LYN: variants seen among roughly 807,000 people sequenced by gnomAD.
LYN encodes LYN proto-oncogene, Src family tyrosine kinase, also known as tyrosine-protein kinase Lyn.
In LYN, 12 loss-of-function variants were observed where a neutral mutation model predicts 65.0. The observed-to-expected ratio is 0.18, with a 90% CI of 0.12 to 0.30. The LOEUF is 0.30. Ranked by LOEUF, LYN falls within the 10% of genes least tolerant of loss-of-function variation. LYN has a pLI of 1.00. For synonymous variants in LYN, 222 were observed against 221.2 expected (o/e 1.00, Z -0.03); for missense variants, 380 against 623.2 (o/e 0.61, Z 4.16).
At chr8:56,000,727 CAAAAAAAAAAA>C (rs1043054300) in intron 12 of LYN, among the ~76,000 whole-genome samples, 14 of 46,856 alleles carry the variant, frequency 3.0e-4, no homozygotes, top group East Asian at 1.9e-3. Context: ...GACTCTGTCT[CAAAAAAAAAAA>C]AAAAAAAAAA....
chr8:55,928,983 T>G (rs894371666), intron 1 of LYN, among the ~76,000 whole-genome samples: 6 of 152,226 alleles, frequency 3.9e-5, no homozygotes, highest in Admixed American at 3.9e-4. Context: ...GATTATTTAT[T>G]TACATACTTA....
chr8:55,911,287 T>TA (rs1563506834), intron 1 of LYN, among the ~76,000 whole-genome samples: 359 of 25,606 alleles, frequency 0.014, 33 homozygotes, highest in Non-Finnish European at 0.028. Flanking sequence ...ATATATATAT[T>TA]TTTTTTTTTT....
chr8:55,989,563 C>G (rs1416925308), intron 10 of LYN, among the ~76,000 whole-genome samples: 2 of 152,118 alleles, frequency 1.3e-5, no homozygotes, highest in Admixed American at 1.3e-4. Flanking sequence ...TGGACACTCC[C>G]CATTCAGGAA....
intron 10 of LYN, among the ~76,000 whole-genome samples, chr8:55,970,979 GCC>G (rs1313448858): frequency 6.6e-6 from 1 of 152,204 alleles, no homozygotes; most frequent in African/African-American, 2.4e-5. Flanking sequence ...GCACCTCAGA[GCC>G]TGCTGGTGGA....
intron 1 of LYN, among the ~76,000 whole-genome samples, chr8:55,919,974 C>A (rs1805900110): frequency 6.6e-6 from 1 of 152,216 alleles, no homozygotes; most frequent in East Asian, 1.9e-4. Context: ...TGTCCTCCAA[C>A]TTAACATGGC....
chr8:55,967,357 C>T (rs377104656), intron 9 of LYN, among the ~76,000 whole-genome samples: 5 of 139,626 alleles, frequency 3.6e-5, no homozygotes, highest in Non-Finnish European at 6.1e-5. Context: ...CACTGTTGCC[C>T]GGGCTGGAGT....
intron 1 of LYN, among the ~76,000 whole-genome samples, chr8:55,888,139 A>T (rs1372764846): frequency 1.3e-5 from 2 of 152,206 alleles, no homozygotes; most frequent in East Asian, 3.9e-4. Flanking sequence ...TATTCAGTTT[A>T]GCAAACTTTT....
At chr8:55,985,470 T>C (rs1002112713) in intron 10 of LYN, among the ~76,000 whole-genome samples, 1 of 152,252 alleles carries the variant, frequency 6.6e-6, no homozygotes, top group Non-Finnish European at 1.5e-5. Context: ...TCAGGTATAT[T>C]TGGAATTTGT....
chr8:56,008,637 T>C (rs1808737394), intron 12 of LYN, among the ~76,000 whole-genome samples: 1 of 152,230 alleles, frequency 6.6e-6, no homozygotes, highest in Non-Finnish European at 1.5e-5. Context: ...GGATCAAAGA[T>C]TGACAGTTCA....
chr8:55,885,097 C>G (rs1001414661), intron 1 of LYN, among the ~76,000 whole-genome samples: 2 of 152,164 alleles, frequency 1.3e-5, no homozygotes, highest in Admixed American at 6.6e-5. Flanking sequence ...GCTTCTTCAA[C>G]CAGGAATTGG....
At chr8:55,887,774 T>C (rs1304631845) in intron 1 of LYN, among the ~76,000 whole-genome samples, 2 of 151,856 alleles carry the variant, frequency 1.3e-5, no homozygotes, top group African/African-American at 4.8e-5. Context: ...CATGCCCAGC[T>C]ACTTTTTGTA....
chr8:55,950,613 GTTAATA>G (rs1806913889), intron 5 of LYN, 56 bp downstream of exon 5: 7 of 1,570,010 alleles, frequency 4.5e-6, no homozygotes, highest in Non-Finnish European at 6.1e-6. Flanking sequence ...TGGATTTCTT[GTTAATA>G]TTCTTCACCT....
intron 1 of LYN, among the ~76,000 whole-genome samples, chr8:55,905,539 T>A (rs1427952674): frequency 5.3e-5 from 8 of 152,164 alleles, no homozygotes. Context: ...TGCTGAGATG[T>A]GTCCAGAATT....
intron 8 of LYN, among the ~76,000 whole-genome samples, chr8:55,963,358 TCCTGACTAGCAGAGC>T (rs1807342937): frequency 6.6e-6 from 1 of 152,222 alleles, no homozygotes; most frequent in South Asian, 2.1e-4. Flanking sequence ...ACGTCCCCTT[TCCTGACTAGCAGAGC>T]TGTACTTAGA....
chr8:55,955,500 TTC>T (rs1563527855), intron 8 of LYN, among the ~76,000 whole-genome samples: 1 of 152,174 alleles, frequency 6.6e-6, no homozygotes, highest in Non-Finnish European at 1.5e-5. Context: ...TCCTCCTCAT[TTC>T]TCTGTGTGCT....
chr8:55,940,523 G>GCC (rs1806580049), intron 1 of LYN, among the ~76,000 whole-genome samples: 1 of 152,120 alleles, frequency 6.6e-6, no homozygotes, highest in Non-Finnish European at 1.5e-5. Context: ...CTACAGGCGT[G>GCC]TGCCACCACG....
Position 56,012,122 on chromosome 8 carries a change from C to T in LYN, c.*2012C>T. 1 of 191,442 alleles carries T rather than the reference C, an allele frequency of 5.2e-6. No individual in the cohort carries two copies. Among genetic ancestry groups the T allele is most frequent in the Non-Finnish European group, 1.1e-5 (1 of 91,444 alleles). The allele number at this position is 191,442 out of a possible 1,614,324, so 11.9% of individuals were successfully genotyped here. A position where few individuals can be genotyped will look rare whatever the true frequency, so the allele number is the denominator to read the frequency against. On this transcript the variant is annotated 3_prime_UTR_variant, in exon 13 of 13. Coordinates refer to ENST00000519728, the MANE Select transcript of LYN (RefSeq NM_002350.4). ...CTGTGATCCTTACCTCCATGTGGGC[C>T]CTTCACCAGCTTGGGCCTCATCTCT...
intron 2 of LYN, among the ~76,000 whole-genome samples, chr8:55,945,138 A>G (rs550762102): frequency 3.0e-4 from 45 of 152,368 alleles, no homozygotes; most frequent in Non-Finnish European, 5.6e-4. Context: ...AAATTCAACA[A>G]CATTCTAGAA....
At chr8:55,945,715 C>A (rs62515386) in intron 2 of LYN, among the ~76,000 whole-genome samples, 12,735 of 152,108 alleles carry the variant, frequency 0.084, 763 homozygotes, top group Non-Finnish European at 0.13. Context: ...GCCACCAAAT[C>A]CTTCCCAATA....
Sources: gnomAD v4.1 joint callset for allele counts (sites outside exome capture counted in the v4.1 genomes callset) on GRCh38, gnomAD v4.1.1 for gene constraint, MANE v1.5 for transcripts, NCBI Gene and HGNC (gene_info 2026-07-23, HGNC 2026-07-21) for gene names.